Variants in CACNG3 observed in about 807,000 individuals in gnomAD.
CACNG3 encodes the protein voltage-dependent calcium channel gamma-3 subunit.
In CACNG3, 3 loss-of-function variants were observed where a neutral mutation model predicts 28.5. The ratio of observed to expected loss-of-function variants is 0.11; its 90% CI spans 0.05 to 0.27. The LOEUF is 0.27. Ranked by LOEUF, CACNG3 falls within the 10% of genes least tolerant of loss-of-function variation. The pLI is 1.00. For missense variants in CACNG3, 236 were observed against 414.4 expected, an observed-to-expected ratio of 0.57 and a Z score of 3.74; for synonymous variants, 174 against 162.2, an observed-to-expected ratio of 1.07 and a Z score of -0.55.
intron 1 of CACNG3, among the ~76,000 whole-genome samples, chr16:24,290,835 T>C (rs1898956627): frequency 6.6e-6 from 1 of 152,054 alleles, no homozygotes; most frequent in Non-Finnish European, 1.5e-5. Flanking sequence ...CTAGATAAAA[T>C]AAAATTTAGA....
rs140040941 is a variant in CACNG3, at chr16:24,352,478, A to G, written c.296-2355A>G. On this transcript the variant is annotated intron_variant, in intron 2 of 3. Coordinates refer to ENST00000005284, the MANE Select transcript of CACNG3 (RefSeq NM_006539.4). ...GTTACCACCTCAGGTCTACCCCCGC[A>G]GTCCAAGCTATGAAGGGCTTTTGCC... Among the ~76,000 whole-genome samples the G allele has an allele frequency of 3.5e-3, 526 of 152,254 alleles. 2 individuals are homozygous for G. Among genetic ancestry groups the G allele is most frequent in the South Asian group, 8.1e-3 (39 of 4,826 alleles).
At chr16:24,338,547 G>C (rs1899741116) in intron 1 of CACNG3, among the ~76,000 whole-genome samples, 1 of 152,024 alleles carries the variant, frequency 6.6e-6, no homozygotes, top group Admixed American at 6.5e-5. Context: ...GTTTTACCAT[G>C]TTGGTCAGGA....
At chr16:24,355,321 C>T (rs187411939) in intron 3 of CACNG3, among the ~76,000 whole-genome samples, 33 of 152,262 alleles carry the variant, frequency 2.2e-4, no homozygotes, top group Non-Finnish European at 1.0e-4. Flanking sequence ...TACGTGTGAA[C>T]TGATTGACTG....
At chr16:24,259,591 A>G (rs956253948) in intron 1 of CACNG3, among the ~76,000 whole-genome samples, 6 of 152,222 alleles carry the variant, frequency 3.9e-5, no homozygotes, top group African/African-American at 7.2e-5. Context: ...AAGAGCCATG[A>G]GACAATGTGA....
chr16:24,344,375 C>T (rs1178840541), intron 1 of CACNG3, among the ~76,000 whole-genome samples: 3 of 150,366 alleles, frequency 2.0e-5, no homozygotes, highest in Non-Finnish European at 4.4e-5. Context: ...TGCCACTGCA[C>T]TCCAACCTGG....
At chr16:24,351,079 C>T (rs1391954995) in intron 2 of CACNG3, among the ~76,000 whole-genome samples, 1 of 152,182 alleles carries the variant, frequency 6.6e-6, no homozygotes, top group African/African-American at 2.4e-5. Flanking sequence ...AACTGCAGGA[C>T]TTTGCAGCAG....
At chr16:24,262,522 C>G (rs909698433) in intron 1 of CACNG3, among the ~76,000 whole-genome samples, 4 of 152,212 alleles carry the variant, frequency 2.6e-5, no homozygotes, top group African/African-American at 9.7e-5. Flanking sequence ...AACTCCCCAC[C>G]ACCACTGCAC....
intron 1 of CACNG3, among the ~76,000 whole-genome samples, chr16:24,288,451 C>T (rs1596629006): frequency 6.6e-6 from 1 of 152,102 alleles, no homozygotes; most frequent in South Asian, 2.1e-4. Context: ...GAGTATCGCT[C>T]GTGCTTTGGA....
intron 1 of CACNG3, among the ~76,000 whole-genome samples, chr16:24,281,482 T>G (rs780979651): frequency 2.6e-5 from 4 of 152,128 alleles, no homozygotes; most frequent in Non-Finnish European, 5.9e-5. Flanking sequence ...AGTGCTAGGA[T>G]TACAGGCATG....
intron 1 of CACNG3, among the ~76,000 whole-genome samples, chr16:24,272,817 T>A (rs2141348062): frequency 6.6e-6 from 1 of 152,324 alleles, no homozygotes; most frequent in South Asian, 2.1e-4. Flanking sequence ...ATTTAGTACT[T>A]TGAAATATTC....
At chr16:24,347,416 A>T (rs1899884710) in intron 2 of CACNG3, among the ~76,000 whole-genome samples, 1 of 152,172 alleles carries the variant, frequency 6.6e-6, no homozygotes, top group Non-Finnish European at 1.5e-5. Context: ...GAAGACAGAA[A>T]AGTAGGTGAG....
At chr16:24,353,999 C>A (rs989159652) in intron 2 of CACNG3, among the ~76,000 whole-genome samples, 1 of 152,040 alleles carries the variant, frequency 6.6e-6, no homozygotes, top group Non-Finnish European at 1.5e-5. Context: ...TCTAGACCAG[C>A]CTGGGTAACT....
At chr16:24,329,174 CCAGTGTGGTGT>C (rs1899600624) in intron 1 of CACNG3, among the ~76,000 whole-genome samples, 1 of 152,156 alleles carries the variant, frequency 6.6e-6, no homozygotes, top group Non-Finnish European at 1.5e-5. Context: ...GAACTAAATC[CCAGTGTGGTGT>C]TTGCTCAAAA....
chr16:24,327,754 C>T lies in CACNG3; in HGVS notation c.212-18980C>T, dbSNP rs1596644665. ...GCCAAGAGTTCAAGGCCAGCCTGGG[C>T]AACATAGTGAGACCACATCTCTACA... On this transcript the variant is annotated intron_variant, in intron 1 of 3. Transcript: ENST00000005284. Among the ~76,000 whole-genome samples the T allele has an allele frequency of 2.0e-5, 3 of 151,972 alleles. No individual in the cohort carries two copies. The South Asian group carries it at 6.3e-4, about 32-fold the overall frequency.
chr16:24,351,831 C>CTCT (rs1429764125), intron 2 of CACNG3, among the ~76,000 whole-genome samples: 1 of 85,098 alleles, frequency 1.2e-5, no homozygotes, highest in East Asian at 4.7e-4. Flanking sequence ...CTCTCTCTCT[C>CTCT]TTTTTTTTTT....
chr16:24,359,487 G>A (rs1042694596), intron 3 of CACNG3, among the ~76,000 whole-genome samples: 1 of 152,116 alleles, frequency 6.6e-6, no homozygotes, highest in Non-Finnish European at 1.5e-5. Flanking sequence ...GTACAGCCAA[G>A]AGGAGGCAGG....
chr16:24,297,412 G>A (rs1899046456), intron 1 of CACNG3, among the ~76,000 whole-genome samples: 1 of 152,092 alleles, frequency 6.6e-6, no homozygotes, highest in Non-Finnish European at 1.5e-5. Context: ...GGTGAGAACT[G>A]GTGTGCTGCA....
rs1280542059 is a variant in CACNG3 at position 24,308,860 on chromosome 16, A to G, written c.212-37874A>G. ...ACCTCAAAAAAAAAAAAAAAAAAAA[A>G]AAAAAAAGAAAAGAAAAAAGAAAAA... On this transcript the variant is annotated intron_variant, in intron 1 of 3. Transcript: ENST00000005284. Among the ~76,000 whole-genome samples the G allele has an allele frequency of 8.0e-5, 12 of 149,756 alleles. No homozygotes were observed. The East Asian group carries it at 1.5e-3, about 19-fold the overall frequency.
At chr16:24,319,236 A>G (rs987009367) in intron 1 of CACNG3, among the ~76,000 whole-genome samples, 2 of 152,230 alleles carry the variant, frequency 1.3e-5, no homozygotes, top group African/African-American at 2.4e-5. Context: ...CAGGTGCCAT[A>G]GTGAACTATG....
Sources: allele counts gnomAD v4.1 joint callset (sites outside exome capture counted in the v4.1 genomes callset), GRCh38; gene constraint gnomAD v4.1.1; transcripts MANE v1.5; gene names NCBI Gene and HGNC (gene_info 2026-07-23, HGNC 2026-07-21).